The following MAF variants were observed in gnomAD, a reference collection of about 807,000 sequenced individuals.
The protein encoded by MAF is transcription factor Maf.
Under a neutral mutation model 22.0 loss-of-function variants are expected in MAF, and 10 were observed. The ratio of observed to expected loss-of-function variants is 0.45; its 90% CI spans 0.28 to 0.77. The LOEUF (loss-of-function observed/expected upper bound fraction) is 0.77. MAF is among the 30% of genes least tolerant of loss of function. The pLI is 0.12. For synonymous variants in MAF, 337 were observed against 255.8 expected (o/e 1.32, Z -3.03); for missense variants, 544 against 548.4 (o/e 0.99, Z 0.08).
chr16:79,494,542 G>A, the MAF span, among the ~76,000 whole-genome samples: 1 of 152,106 alleles, frequency 6.6e-6, no homozygotes, highest in Non-Finnish European at 1.5e-5. Context: ...CCACCCCAGA[G>A]AATCCAGGAT....
chr16:79,275,755 G>A, the MAF span, among the ~76,000 whole-genome samples: 4 of 152,156 alleles, frequency 2.6e-5, no homozygotes, highest in African/African-American at 9.7e-5. Flanking sequence ...TTGTTGAGGG[G>A]AAAGGCAAGA....
the MAF span, among the ~76,000 whole-genome samples, chr16:79,219,548 C>CAAAAAA: frequency 3.1e-5 from 2 of 64,734 alleles, no homozygotes; most frequent in Non-Finnish European, 5.7e-5. Flanking sequence ...GACTCTGCCT[C>CAAAAAA]AAAAAAAAAA....
At chr16:79,233,826 T>A in the MAF span, among the ~76,000 whole-genome samples, 1 of 151,886 alleles carries the variant, frequency 6.6e-6, no homozygotes, top group African/African-American at 2.4e-5. Context: ...ACCCTGTTTC[T>A]ACTGAAAATA....
At chr16:79,274,113 A>C in the MAF span, among the ~76,000 whole-genome samples, 1 of 151,650 alleles carries the variant, frequency 6.6e-6, no homozygotes. Context: ...CGCCACCATG[A>C]CTGGTTAATT....
the MAF span, among the ~76,000 whole-genome samples, chr16:79,530,209 T>G: frequency 6.6e-6 from 1 of 152,170 alleles, no homozygotes; most frequent in Non-Finnish European, 1.5e-5. Flanking sequence ...TCTTCTAGCT[T>G]GAGAACACAC....
chr16:79,427,450 T>A, the MAF span, among the ~76,000 whole-genome samples: 1 of 152,230 alleles, frequency 6.6e-6, no homozygotes, highest in Non-Finnish European at 1.5e-5. Flanking sequence ...TGTTACTTAT[T>A]CATTTACTCA....
the MAF span, among the ~76,000 whole-genome samples, chr16:79,388,990 T>C: frequency 2.0e-5 from 3 of 152,228 alleles, no homozygotes; most frequent in Non-Finnish European, 4.4e-5. Context: ...GAGGCCCTTA[T>C]GATGTGTTTC....
the MAF span, among the ~76,000 whole-genome samples, chr16:79,368,007 C>T: frequency 6.6e-6 from 1 of 152,288 alleles, no homozygotes; most frequent in East Asian, 1.9e-4. Context: ...ATTTGTTCAA[C>T]GAGTGACAAG....
the MAF span, among the ~76,000 whole-genome samples, chr16:79,500,660 G>A: frequency 6.6e-6 from 1 of 152,104 alleles, no homozygotes; most frequent in Non-Finnish European, 1.5e-5. Flanking sequence ...ATGGCTCAGA[G>A]TATGCTCCCT....
the MAF span, among the ~76,000 whole-genome samples, chr16:79,479,267 C>T: frequency 6.6e-6 from 1 of 152,240 alleles, no homozygotes; most frequent in Non-Finnish European, 1.5e-5. Context: ...TACCATCATA[C>T]CTTTCTACCA....
At chr16:79,215,908 T>C in the MAF span, among the ~76,000 whole-genome samples, 1 of 152,192 alleles carries the variant, frequency 6.6e-6, no homozygotes, top group African/African-American at 2.4e-5. Context: ...ACAGTAGCGA[T>C]TGCCCCCTCA....
rs1020392524 is a variant in MAF at position 79,600,282 on chromosome 16, G to C, written c.-380C>G. 4.4e-6 allele frequency: 1 copy of C among 226,422 alleles called. No individual in the cohort carries two copies. The highest frequency in any genetic ancestry group is 6.0e-5 in the Admixed American group (1 of 16,620). 14.0% of individuals were successfully genotyped at this position (226,422 alleles called of 1,614,324 possible). A position where few individuals can be genotyped will look rare whatever the true frequency, so the allele number is the denominator to read the frequency against. The stretch of plus-strand genomic sequence containing the variant: ...GCTGGAGGAGCCCGGCCCGGTGCGC[G>C]GCGTCCCCCGCTCGCCGCTCCGCTG... On this transcript the variant is annotated 5_prime_UTR_variant, in exon 1 of 2. Coordinates refer to ENST00000326043, the MANE Select transcript of MAF (RefSeq NM_005360.5).
chr16:79,470,878 C>T, the MAF span, among the ~76,000 whole-genome samples: 5 of 152,318 alleles, frequency 3.3e-5, no homozygotes, highest in African/African-American at 1.2e-4. Context: ...TCATCCATCT[C>T]TGTATCCCAA....
the MAF span, among the ~76,000 whole-genome samples, chr16:79,384,643 G>C: frequency 6.6e-6 from 1 of 151,022 alleles, no homozygotes; most frequent in Non-Finnish European, 1.5e-5. Flanking sequence ...TGTAGTCCCA[G>C]CTACTCAGGA....
chr16:79,426,404 T>C, the MAF span, among the ~76,000 whole-genome samples: 2 of 152,234 alleles, frequency 1.3e-5, no homozygotes, highest in South Asian at 2.1e-4. Flanking sequence ...TCTTTTTTTA[T>C]TCGTTGTTGA....
the MAF span, among the ~76,000 whole-genome samples, chr16:79,465,802 G>A: frequency 6.6e-6 from 1 of 152,074 alleles, no homozygotes; most frequent in Non-Finnish European, 1.5e-5. Context: ...ATCTCCAATA[G>A]GTATTGTGAG....
the MAF span, among the ~76,000 whole-genome samples, chr16:79,258,822 A>C: frequency 6.6e-6 from 1 of 152,116 alleles, no homozygotes; most frequent in South Asian, 2.1e-4. Flanking sequence ...CCCACCCCCA[A>C]GGTCTCTCTG....
chr16:79,427,915 A>C, the MAF span, among the ~76,000 whole-genome samples: 4 of 152,082 alleles, frequency 2.6e-5, no homozygotes, highest in Admixed American at 2.6e-4. Context: ...TAACAGATAC[A>C]AAATGAATAA....
the MAF span, among the ~76,000 whole-genome samples, chr16:79,563,570 TATC>T: frequency 9.2e-5 from 14 of 152,312 alleles, no homozygotes; most frequent in African/African-American, 3.1e-4. Context: ...TATGCATTGA[TATC>T]ATAATACTTT....
Sources: allele counts gnomAD v4.1 joint callset (sites outside exome capture counted in the v4.1 genomes callset), GRCh38; gene constraint gnomAD v4.1.1; transcripts MANE v1.5; gene names NCBI Gene and HGNC (gene_info 2026-07-23, HGNC 2026-07-21).